Variants in CPNE4 observed in about 807,000 individuals in gnomAD.
CPNE4 encodes copine-4.
Under a neutral mutation model 67.9 loss-of-function variants are expected in CPNE4, and 25 were observed. The ratio of observed to expected loss-of-function variants is 0.37; its 90% CI spans 0.27 to 0.51. The LOEUF (loss-of-function observed/expected upper bound fraction) is 0.51, where lower values mean the gene tolerates loss of function less well. Among genes scored for constraint, CPNE4 ranks in the 20% least tolerant of loss-of-function variants. The probability of loss-of-function intolerance (pLI) is 0.93; values close to 1 mark genes in which losing one functional copy is unlikely to be tolerated. For synonymous variants in CPNE4, 242 were observed against 244.9 expected (o/e 0.99, Z 0.11); for missense variants, 464 against 690.8 (o/e 0.67, Z 3.68).
chr3:131,770,128 C>T (rs1440420489), intron 2 of CPNE4, among the ~76,000 whole-genome samples: 1 of 152,146 alleles, frequency 6.6e-6, no homozygotes, highest in Non-Finnish European at 1.5e-5. Context: ...ATGTATTCTG[C>T]ACACTCACTC....
chr3:132,032,274 A>G (rs1459304638), intron 1 of CPNE4, among the ~76,000 whole-genome samples: 1 of 152,174 alleles, frequency 6.6e-6, no homozygotes, highest in Non-Finnish European at 1.5e-5. Flanking sequence ...CCAGTCAAAT[A>G]TGCTGGGCCT....
intron 2 of CPNE4, among the ~76,000 whole-genome samples, chr3:131,784,515 G>A (rs1015615955): frequency 3.3e-5 from 5 of 152,164 alleles, no homozygotes; most frequent in Middle Eastern, 3.4e-3. Context: ...GCAAGTGTGG[G>A]TGAATTATCA....
intron 2 of CPNE4, among the ~76,000 whole-genome samples, chr3:131,859,857 A>T (rs1318139048): frequency 1.3e-5 from 2 of 152,294 alleles, no homozygotes; most frequent in East Asian, 3.9e-4. Flanking sequence ...ATGCAAAGAG[A>T]GGCATTCACC....
At chr3:131,656,821 G>T (rs904353747) in intron 7 of CPNE4, among the ~76,000 whole-genome samples, 3 of 152,210 alleles carry the variant, frequency 2.0e-5, no homozygotes, top group African/African-American at 7.2e-5. Flanking sequence ...GAACAACGAA[G>T]TCTGAGTGCT....
At position 132,033,375 on chromosome 3, in the gene CPNE4, CTG is replaced by C. The variant is rs2074276812; in HGVS notation, c.-2+1190_-2+1191del. Among the ~76,000 whole-genome samples, 3 of 146,948 alleles carry C rather than the reference CTG, an allele frequency of 2.0e-5. No individual in the cohort carries two copies. The Admixed American group carries it at 2.1e-4, about 10-fold the overall frequency. On this transcript the variant is annotated intron_variant, in intron 1 of 15. Transcript: ENST00000429747. ...TCTTTTCCCACAAGTCACTGAAATC[CTG>C]TGAGAGTGTGTGAGTGTGTGTGTGT...
chr3:131,962,819 A>AG (rs1423461124), intron 1 of CPNE4, among the ~76,000 whole-genome samples: 1 of 152,176 alleles, frequency 6.6e-6, no homozygotes, highest in African/African-American at 2.4e-5. Flanking sequence ...GATTCAAAAA[A>AG]AAAATGTTGT....
At chr3:131,609,072 A>T (rs1367152403) in intron 7 of CPNE4, among the ~76,000 whole-genome samples, 1 of 152,118 alleles carries the variant, frequency 6.6e-6, no homozygotes, top group East Asian at 1.9e-4. Context: ...AGCTTGTTAT[A>T]AACTTTATTC....
chr3:131,839,466 T>G (rs115581158), intron 2 of CPNE4, among the ~76,000 whole-genome samples: 3,674 of 151,314 alleles, frequency 0.024, 160 homozygotes, highest in African/African-American at 0.084. Context: ...TTATGCTGAT[T>G]TATATATTTA....
rs572323321 is a variant in CPNE4 at position 131,839,275 on chromosome 3, T to G, written c.180+65989A>C. Among the ~76,000 whole-genome samples, 3 of 151,854 alleles carry G rather than the reference T, an allele frequency of 2.0e-5. No individual in the cohort carries two copies. The South Asian group carries it at 6.2e-4, about 32-fold the overall frequency. On this transcript the variant is annotated intron_variant, in intron 2 of 15. Transcript: ENST00000429747. ...AAAAACCTACATTATAGAGAATAAG[T>G]CAAAAAAATCGTGTTATGTCCACAC... is the stretch of plus-strand genomic sequence containing the variant.
chr3:131,610,452 G>C (rs555586973), intron 7 of CPNE4, among the ~76,000 whole-genome samples: 1 of 152,246 alleles, frequency 6.6e-6, no homozygotes, highest in African/African-American at 2.4e-5. Context: ...CTCTTTGTTG[G>C]AGGGCTGTCC....
chr3:131,927,489 A>AT (rs56156146), intron 1 of CPNE4, among the ~76,000 whole-genome samples: 67,217 of 151,678 alleles, frequency 0.44, 15,008 homozygotes, highest in Non-Finnish European at 0.45. Flanking sequence ...ATGACATCTC[A>AT]TGTCATTGCA....
At chr3:131,951,781 T>C (rs1281116031) in intron 1 of CPNE4, among the ~76,000 whole-genome samples, 1 of 152,186 alleles carries the variant, frequency 6.6e-6, no homozygotes, top group African/African-American at 2.4e-5. Context: ...GCCGGGCTGG[T>C]CTCCAGCTCC....
intron 1 of CPNE4, among the ~76,000 whole-genome samples, chr3:131,933,404 G>A (rs758751037): frequency 5.1e-4 from 78 of 152,126 alleles, no homozygotes; most frequent in Non-Finnish European, 1.5e-4. Flanking sequence ...GTGTAGAAAA[G>A]GAAACTCCTG....
chr3:131,827,645 C>T (rs1464069), intron 2 of CPNE4, among the ~76,000 whole-genome samples: 35,715 of 151,968 alleles, frequency 0.24, 4,843 homozygotes, highest in Middle Eastern at 0.34. Flanking sequence ...AGAATACTTA[C>T]TTCCAATCTT....
intron 11 of CPNE4, among the ~76,000 whole-genome samples, chr3:131,560,345 T>A (rs1473459112): frequency 6.6e-6 from 1 of 152,026 alleles, no homozygotes; most frequent in African/African-American, 2.4e-5. Context: ...CCATGCTCTC[T>A]CTATCATCCC....
At chr3:131,552,606 T>A in intron 12 of CPNE4, 115 bp from the exon 13 acceptor site, 1 of 741,808 alleles carries the variant, frequency 1.3e-6, no homozygotes, top group South Asian at 1.7e-5. Context: ...ATTCATTATG[T>A]GTTAAGCAGC....
chr3:131,747,787 T>G (rs368617459), intron 2 of CPNE4, among the ~76,000 whole-genome samples: 28 of 152,340 alleles, frequency 1.8e-4, no homozygotes, highest in East Asian at 1.3e-3. Context: ...AGACATTCAT[T>G]TCATATGTAA....
intron 3 of CPNE4, among the ~76,000 whole-genome samples, chr3:131,711,131 T>C (rs1218001074): frequency 6.6e-6 from 1 of 152,202 alleles, no homozygotes; most frequent in Non-Finnish European, 1.5e-5. Flanking sequence ...TAAGCCATGA[T>C]AGTAAGTGTA....
chr3:131,592,540 T>G (rs549803315), intron 7 of CPNE4, among the ~76,000 whole-genome samples: 1 of 152,272 alleles, frequency 6.6e-6, no homozygotes, highest in Admixed American at 6.5e-5. Context: ...GGAATGTGAC[T>G]TGACTAGACA....
Sources: gnomAD v4.1 joint callset for allele counts (sites outside exome capture counted in the v4.1 genomes callset) on GRCh38, gnomAD v4.1.1 for gene constraint, MANE v1.5 for transcripts, NCBI Gene and HGNC (gene_info 2026-07-23, HGNC 2026-07-21) for gene names.